ASB5: variants seen among roughly 807,000 people sequenced by gnomAD.
The protein encoded by ASB5 is ankyrin repeat and SOCS box protein 5.
ASB5 carries 45 observed loss-of-function variants against 42.1 expected under a neutral mutation model. That is an observed-to-expected ratio of 1.07 (90% CI 0.84 to 1.37). ASB5 has a LOEUF of 1.37. Among genes scored for constraint, ASB5 ranks in the 40% most tolerant of loss-of-function variants. The probability of loss-of-function intolerance (pLI) is 0.00; values close to 1 mark genes in which losing one functional copy is unlikely to be tolerated. For synonymous variants in ASB5, 147 were observed against 150.6 expected (o/e 0.98, Z 0.18); for missense variants, 402 against 399.8 (o/e 1.01, Z -0.05).
intron 1 of ASB5, among the ~76,000 whole-genome samples, chr4:176,266,484 T>A (rs563152402): frequency 6.6e-6 from 1 of 152,234 alleles, no homozygotes; most frequent in African/African-American, 2.4e-5. Flanking sequence ...ATAGTTTACT[T>A]ATAGTAAATA....
intron 1 of ASB5, 151 bp downstream of exon 1, chr4:176,268,762 T>A: frequency 1.6e-6 from 1 of 620,896 alleles, no homozygotes; most frequent in African/African-American, 1.9e-5. Flanking sequence ...ATTTTCCTTT[T>A]TATAAAGCCA....
intron 1 of ASB5, among the ~76,000 whole-genome samples, chr4:176,249,268 A>G (rs1753973409): frequency 6.6e-6 from 1 of 152,174 alleles, no homozygotes; most frequent in African/African-American, 2.4e-5. Context: ...CATCTGCCCT[A>G]TACAGTTTTG....
upstream of ASB5, among the ~76,000 whole-genome samples, chr4:176,273,875 C>T (rs1426239365): frequency 6.6e-6 from 1 of 152,176 alleles, no homozygotes; most frequent in Non-Finnish European, 1.5e-5. Context: ...ATTTTCTACA[C>T]AGTTTATTAG....
intron 1 of ASB5, among the ~76,000 whole-genome samples, chr4:176,231,132 C>G (rs1403324539): frequency 3.9e-5 from 6 of 152,196 alleles, no homozygotes; most frequent in South Asian, 2.1e-4. Flanking sequence ...ATTTTTATAT[C>G]TATGCGATTT....
rs376238534 is a variant in ASB5, at chr4:176,268,799, A to G, written c.196+114T>C. 3.6e-5 allele frequency: 34 copies of G among 936,028 alleles called. 1 individual carries two copies. The highest frequency in any genetic ancestry group is 1.4e-4 in the East Asian group (5 of 35,056). 58.0% of individuals were successfully genotyped at this position (936,028 alleles called of 1,614,324 possible). ...GAAGTGAGTTACAAGTATTTCCCTT[A>G]ACAAAAGTTTATAAAATATTTACCT... On this transcript the variant is annotated intron_variant, in intron 1 of 6. Coordinates refer to ENST00000296525, the MANE Select transcript of ASB5 (RefSeq NM_080874.4).
At chr4:176,237,204 C>T (rs1034485407) in intron 1 of ASB5, 6 of 866,410 alleles carry the variant, frequency 6.9e-6, no homozygotes, top group South Asian at 1.1e-4. Context: ...TTCTGGAAAG[C>T]ACCCGCAGTT....
chr4:176,250,948 C>CA (rs1754020313), intron 1 of ASB5, among the ~76,000 whole-genome samples: 1 of 152,188 alleles, frequency 6.6e-6, no homozygotes, highest in Non-Finnish European at 1.5e-5. Flanking sequence ...ACTTTGTCCA[C>CA]ACACCGTTTT....
chr4:176,254,845 A>G (rs868592811), intron 1 of ASB5, among the ~76,000 whole-genome samples: 1 of 152,160 alleles, frequency 6.6e-6, no homozygotes, highest in South Asian at 2.1e-4. Context: ...CAAAACCACA[A>G]TGAGGGCCAG....
At chr4:176,254,960 T>A (rs1754125625) in intron 1 of ASB5, among the ~76,000 whole-genome samples, 4 of 152,026 alleles carry the variant, frequency 2.6e-5, no homozygotes, top group Admixed American at 1.3e-4. Context: ...TGAAACCCCA[T>A]CTCTACCAAA....
Position 176,253,407 on chromosome 4 carries a change from C to G in ASB5, c.196+15506G>C, listed in dbSNP as rs78297814. ...GTTTCAAACATAGCTTTTAAAGAAC[C>G]TAGGATTTAGCTATTTTGAAAAATA... On this transcript the variant is annotated intron_variant, in intron 1 of 6. Coordinates refer to ENST00000296525, the MANE Select transcript of ASB5 (RefSeq NM_080874.4). Among the ~76,000 whole-genome samples the G allele has an allele frequency of 9.2e-3, 1,407 of 152,276 alleles. 27 individuals are homozygous for G. The highest frequency in any genetic ancestry group is 0.033 in the African/African-American group (1,365 of 41,548).
chr4:176,245,664 C>T (rs4339154), intron 1 of ASB5, among the ~76,000 whole-genome samples: 3,277 of 152,160 alleles, frequency 0.022, 114 homozygotes, highest in African/African-American at 0.075. Flanking sequence ...CCATCAATGA[C>T]AGACTGGATT....
At chr4:176,234,661 T>C (rs1264990995) in intron 1 of ASB5, among the ~76,000 whole-genome samples, 1 of 152,204 alleles carries the variant, frequency 6.6e-6, no homozygotes, top group Non-Finnish European at 1.5e-5. Flanking sequence ...CAAAGTCACA[T>C]GATCACACCC....
At chr4:176,254,443 CA>C (rs1386316418) in intron 1 of ASB5, among the ~76,000 whole-genome samples, 3 of 151,636 alleles carry the variant, frequency 2.0e-5, no homozygotes, top group African/African-American at 4.8e-5. Flanking sequence ...TGTAGATCCT[CA>C]AACTATAAGA....
intron 4 of ASB5, 31 bp downstream of exon 4, chr4:176,221,419 C>T (rs750662802): frequency 6.2e-7 from 1 of 1,606,614 alleles, no homozygotes; most frequent in East Asian, 2.2e-5. Flanking sequence ...AAACTTTCTT[C>T]CCTTGTCACT....
intron 1 of ASB5, among the ~76,000 whole-genome samples, chr4:176,256,110 T>C (rs1356277044): frequency 6.6e-6 from 1 of 152,192 alleles, no homozygotes; most frequent in Non-Finnish European, 1.5e-5. Context: ...CACCATAAGA[T>C]ATTCCATTTT....
At position 176,216,874 on chromosome 4, in the gene ASB5, G is replaced by A; in HGVS notation, c.806C>T (p.Pro269Leu). ...INAKNTELLR[P>L]IDVATSSSMV... Reference sequence around the variant, plus strand: ...ACTGCTAGACGTAGCTACATCTATAGGTCGCAGAAGCTCTGTATTTTTGGC... The same window carrying A: ...ACTGCTAGACGTAGCTACATCTATAAGTCGCAGAAGCTCTGTATTTTTGGC... The change falls in exon 6 of 7, where the codon CCT (proline) becomes CTT (leucine). Residue 269 changes from proline to leucine, a missense_variant. Pro to Leu is a moderately conservative substitution (Grantham distance 98). Coordinates refer to ENST00000296525, the MANE Select transcript of ASB5 (RefSeq NM_080874.4). 6.2e-7 allele frequency: 1 copy of A among 1,613,696 alleles called. No individual in the cohort carries two copies. The highest frequency in any genetic ancestry group is 8.5e-7 in the Non-Finnish European group (1 of 1,179,896).
At chr4:176,231,659 CAA>C (rs11362445) in intron 1 of ASB5, among the ~76,000 whole-genome samples, 89 of 101,876 alleles carry the variant, frequency 8.7e-4, no homozygotes, top group Middle Eastern at 5.4e-3. Context: ...CTTGTCTCTG[CAA>C]AAAAAAAAAA....
chr4:176,234,767 T>C (rs1753642700), intron 1 of ASB5, among the ~76,000 whole-genome samples: 1 of 152,210 alleles, frequency 6.6e-6, no homozygotes, highest in Non-Finnish European at 1.5e-5. Context: ...ATTGGACTCC[T>C]GACTCTATCA....
At chr4:176,234,752 T>C (rs1466480863) in intron 1 of ASB5, among the ~76,000 whole-genome samples, 1 of 152,172 alleles carries the variant, frequency 6.6e-6, no homozygotes, top group East Asian at 1.9e-4. Context: ...AGGAGGCATA[T>C]CCGAATTGGA....
Sources: allele counts gnomAD v4.1 joint callset (sites outside exome capture counted in the v4.1 genomes callset), GRCh38; gene constraint gnomAD v4.1.1; transcripts MANE v1.5; gene names NCBI Gene and HGNC (gene_info 2026-07-23, HGNC 2026-07-21).